The following EDIL3 variants were observed in gnomAD, a reference collection of about 807,000 sequenced individuals.
EDIL3 encodes the protein EGF like and discoidin domains 3.
Under a neutral mutation model 67.4 loss-of-function variants are expected in EDIL3, and 37 were observed. The ratio of observed to expected loss-of-function variants is 0.55; its 90% confidence interval spans 0.42 to 0.72. The LOEUF (loss-of-function observed/expected upper bound fraction) is 0.72. EDIL3 is among the 30% of genes least tolerant of loss of function. The probability of loss-of-function intolerance (pLI) is 0.00; values close to 1 mark genes in which losing one functional copy is unlikely to be tolerated. For synonymous variants in EDIL3, 195 were observed against 196.3 expected (o/e 0.99, Z 0.05); for missense variants, 527 against 586.3 (o/e 0.90, Z 1.04).
At chr5:84,272,232 T>C (rs1213648817) in intron 1 of EDIL3, among the ~76,000 whole-genome samples, 1 of 152,024 alleles carries the variant, frequency 6.6e-6, no homozygotes, top group African/African-American at 2.4e-5. Context: ...ATGAGATCAA[T>C]TGAAATTTTA....
chr5:84,183,083 A>G (rs1323384455), intron 3 of EDIL3, among the ~76,000 whole-genome samples: 1 of 152,092 alleles, frequency 6.6e-6, no homozygotes, highest in Admixed American at 6.6e-5. Context: ...CCTCCTCACA[A>G]ATTAATTAAC....
At chr5:84,158,601 T>C (rs1274401019) in intron 4 of EDIL3, among the ~76,000 whole-genome samples, 1 of 152,070 alleles carries the variant, frequency 6.6e-6, no homozygotes, top group East Asian at 1.9e-4. Flanking sequence ...TAGTGCCTAG[T>C]ACTACCTTAT....
intron 4 of EDIL3, among the ~76,000 whole-genome samples, chr5:84,164,665 T>G (rs892228896): frequency 3.9e-5 from 6 of 152,208 alleles, no homozygotes; most frequent in Middle Eastern, 3.4e-3. Context: ...ATCACTCACT[T>G]ATTTATAAAT....
At chr5:84,037,742 CTG>C (rs1286556765) in intron 9 of EDIL3, among the ~76,000 whole-genome samples, 1 of 152,088 alleles carries the variant, frequency 6.6e-6, no homozygotes, top group Non-Finnish European at 1.5e-5. Flanking sequence ...GGGAAGAACA[CTG>C]TAATTCCATG....
chr5:84,219,037 G>A (rs1057440926), intron 3 of EDIL3, among the ~76,000 whole-genome samples: 26 of 152,194 alleles, frequency 1.7e-4, no homozygotes, highest in Admixed American at 1.4e-3. Context: ...TGGTTACTGT[G>A]GGCCTTGAGT....
At position 84,100,005 on chromosome 5, in the gene EDIL3, G is replaced by A. The variant is rs190463589; in HGVS notation, c.651+6644C>T. Among the ~76,000 whole-genome samples the A allele has an allele frequency of 1.4e-4, 21 of 152,124 alleles. No homozygotes were observed. The East Asian group carries it at 3.5e-3, about 25-fold the overall frequency. On this transcript the variant is annotated intron_variant, in intron 6 of 10. Transcript: ENST00000296591. Reference sequence around the variant, plus strand: ...CTCATCATCACTAGTCATTAGAAAAGTAGAAATCGAAACCACAATGATACC... The same window carrying A: ...CTCATCATCACTAGTCATTAGAAAAATAGAAATCGAAACCACAATGATACC...
At chr5:84,168,675 C>T (rs1748756438) in intron 4 of EDIL3, among the ~76,000 whole-genome samples, 2 of 152,158 alleles carry the variant, frequency 1.3e-5, no homozygotes, top group African/African-American at 2.4e-5. Flanking sequence ...TCGTAATTGA[C>T]TTCAAACTAT....
At chr5:84,325,790 A>AT (rs1746744601) in intron 1 of EDIL3, among the ~76,000 whole-genome samples, 1 of 152,108 alleles carries the variant, frequency 6.6e-6, no homozygotes, top group South Asian at 2.1e-4. Flanking sequence ...AATACAATGG[A>AT]ATATTATTCA....
chr5:84,117,231 C>G (rs1306246859), intron 5 of EDIL3, among the ~76,000 whole-genome samples: 1 of 151,676 alleles, frequency 6.6e-6, no homozygotes, highest in South Asian at 2.1e-4. Context: ...GGGGTTTCAC[C>G]GTGTTAGCCA....
At chr5:84,207,866 C>G (rs1273935141) in intron 3 of EDIL3, among the ~76,000 whole-genome samples, 1 of 151,908 alleles carries the variant, frequency 6.6e-6, no homozygotes, top group African/African-American at 2.4e-5. Flanking sequence ...GAAACTGGAT[C>G]CCTTCCTTAC....
At chr5:84,361,022 C>T (rs925717783) in intron 1 of EDIL3, among the ~76,000 whole-genome samples, 1 of 151,944 alleles carries the variant, frequency 6.6e-6, no homozygotes, top group African/African-American at 2.4e-5. Context: ...AAGATGCTAG[C>T]AATGAGTAGC....
intron 1 of EDIL3, among the ~76,000 whole-genome samples, chr5:84,291,949 A>G (rs1354630549): frequency 6.6e-6 from 1 of 151,726 alleles, no homozygotes; most frequent in Non-Finnish European, 1.5e-5. Flanking sequence ...TCCAACATAT[A>G]AAAGCACATT....
chr5:84,177,882 T>C (rs866615952), intron 4 of EDIL3, among the ~76,000 whole-genome samples: 19 of 152,326 alleles, frequency 1.2e-4, no homozygotes, highest in African/African-American at 4.3e-4. Context: ...GTCACTCCTG[T>C]ATCATGAAAT....
intron 6 of EDIL3, among the ~76,000 whole-genome samples, chr5:84,084,828 G>A (rs895785413): frequency 1.9e-4 from 29 of 152,266 alleles, no homozygotes; most frequent in African/African-American, 7.0e-4. Flanking sequence ...AGTGAAAAAT[G>A]TATGTGTTTT....
chr5:84,075,965 ATAT>A (rs201160744), intron 6 of EDIL3, among the ~76,000 whole-genome samples: 9,509 of 148,380 alleles, frequency 0.064, 442 homozygotes, highest in Middle Eastern at 0.11. Context: ...ATATATATAT[ATAT>A]AAATATTTAT....
intron 1 of EDIL3, among the ~76,000 whole-genome samples, chr5:84,286,694 A>G (rs916768122): frequency 6.6e-6 from 1 of 152,208 alleles, no homozygotes; most frequent in African/African-American, 2.4e-5. Flanking sequence ...GAATAAATAG[A>G]ATAATGCAGG....
intron 1 of EDIL3, among the ~76,000 whole-genome samples, chr5:84,328,052 G>A (rs1055003761): frequency 2.6e-5 from 4 of 151,918 alleles, no homozygotes; most frequent in Admixed American, 6.6e-5. Flanking sequence ...CTTCAGCAGC[G>A]CTTATTAATG....
At position 84,114,605 on chromosome 5, in the gene EDIL3, G is replaced by A. The variant is rs186817342; in HGVS notation, c.470-7775C>T. Among the ~76,000 whole-genome samples the A allele has an allele frequency of 3.2e-3, 494 of 152,294 alleles. 3 individuals are homozygous for A. The highest frequency in any genetic ancestry group is 5.8e-3 in the Non-Finnish European group (394 of 68,030). ...GGTATAAACATTACATACAGTCACA[G>A]TAACCTTCCTTAGGAAAACTAGTAA... On this transcript the variant is annotated intron_variant, in intron 5 of 10. Coordinates refer to ENST00000296591, the MANE Select transcript of EDIL3 (RefSeq NM_005711.5).
chr5:84,156,850 C>T (rs1208867676), intron 4 of EDIL3, among the ~76,000 whole-genome samples: 2 of 152,068 alleles, frequency 1.3e-5, no homozygotes, highest in African/African-American at 2.4e-5. Flanking sequence ...AGAAGTAATT[C>T]TTTTTTAAAA....
Sources: allele counts gnomAD v4.1 joint callset (sites outside exome capture counted in the v4.1 genomes callset), GRCh38; gene constraint gnomAD v4.1.1; transcripts MANE v1.5; gene names NCBI Gene and HGNC (gene_info 2026-07-23, HGNC 2026-07-21).